ZRANB3: variants seen among roughly 807,000 people sequenced by gnomAD.
The protein encoded by ZRANB3 is DNA annealing helicase and endonuclease ZRANB3.
Under a neutral mutation model 133.8 loss-of-function variants are expected in ZRANB3, and 125 were observed. The ratio of observed to expected loss-of-function variants is 0.93; its 90% CI spans 0.81 to 1.08. ZRANB3 has a LOEUF of 1.08. ZRANB3 is among the 50% of genes least tolerant of loss of function. ZRANB3 has a pLI of 0.00. For synonymous variants in ZRANB3, 387 were observed against 432.7 expected (o/e 0.89, Z 1.31); for missense variants, 1,229 against 1,275.5 (o/e 0.96, Z 0.56).
intron 2 of ZRANB3, among the ~76,000 whole-genome samples, chr2:135,453,780 C>T (rs906846647): frequency 6.6e-6 from 1 of 152,204 alleles, no homozygotes; most frequent in Admixed American, 6.5e-5. Flanking sequence ...CAAACTTTCC[C>T]ACATTTTCCT....
At chr2:135,388,964 G>C (rs1687103993) in intron 3 of ZRANB3, among the ~76,000 whole-genome samples, 1 of 152,128 alleles carries the variant, frequency 6.6e-6, no homozygotes, top group African/African-American at 2.4e-5. Context: ...TGTAGTCCCA[G>C]CTACTCGGGA....
intron 2 of ZRANB3, among the ~76,000 whole-genome samples, chr2:135,468,319 TC>T (rs1691092122): frequency 6.6e-6 from 1 of 152,190 alleles, no homozygotes; most frequent in Non-Finnish European, 1.5e-5. Context: ...AAAATTCTCT[TC>T]CCATATCCCA....
intron 2 of ZRANB3, among the ~76,000 whole-genome samples, chr2:135,490,486 C>CA (rs553842089): frequency 2.8e-4 from 43 of 151,386 alleles, no homozygotes; most frequent in African/African-American, 4.1e-4. Flanking sequence ...TTGCTTTTAT[C>CA]AAAAAAAATG....
At chr2:135,348,747 C>A (rs1558934882) in intron 5 of ZRANB3, among the ~76,000 whole-genome samples, 1 of 152,100 alleles carries the variant, frequency 6.6e-6, no homozygotes, top group African/African-American at 2.4e-5. Context: ...GCACAGGCCA[C>A]CATGCCCAGC....
chr2:135,203,729 G>C (rs1267747606), intron 19 of ZRANB3, among the ~76,000 whole-genome samples: 2 of 151,502 alleles, frequency 1.3e-5, no homozygotes, highest in East Asian at 3.9e-4. Context: ...AATGTCAATA[G>C]CTATTACCTA....
chr2:135,417,436 G>A (rs1159986358), intron 2 of ZRANB3, among the ~76,000 whole-genome samples: 1 of 151,980 alleles, frequency 6.6e-6, no homozygotes, highest in Non-Finnish European at 1.5e-5. Flanking sequence ...AGTTAGAATG[G>A]CAATCATTAA....
chr2:135,345,163 A>G (rs991718320), intron 6 of ZRANB3: 5 of 154,146 alleles, frequency 3.2e-5, no homozygotes, highest in African/African-American at 1.2e-4. Flanking sequence ...CATATAGGTC[A>G]TCCACCTATA....
intron 8 of ZRANB3, among the ~76,000 whole-genome samples, chr2:135,287,159 C>T (rs902236510): frequency 4.6e-5 from 7 of 152,158 alleles, no homozygotes; most frequent in African/African-American, 1.4e-4. Context: ...ATCCCAGCAC[C>T]ATTTATTGAA....
chr2:135,517,326 G>A (rs1049351329), intron 1 of ZRANB3, among the ~76,000 whole-genome samples: 1 of 152,088 alleles, frequency 6.6e-6, no homozygotes, highest in Non-Finnish European at 1.5e-5. Flanking sequence ...CTGGCGAGGA[G>A]TGATCCTTTG....
chr2:135,317,150 G>A (rs1418261243), intron 6 of ZRANB3, among the ~76,000 whole-genome samples: 3 of 151,602 alleles, frequency 2.0e-5, no homozygotes, highest in South Asian at 2.1e-4. Flanking sequence ...AATTTTTAAC[G>A]GATTTGCTTA....
Position 135,345,415 on chromosome 2 carries a change from C to T in ZRANB3, c.677+135G>A, listed in dbSNP as rs553787197. The stretch of plus-strand genomic sequence containing the variant: ...CCCAGGAGGCAGAGATTGTAGTGAG[C>T]CATGATGGTGCCACTGCAGTCCAGC... On this transcript the variant is annotated intron_variant, in intron 6 of 20. Transcript: ENST00000264159. 6.8e-5 allele frequency: 41 copies of T among 598,736 alleles called. No homozygotes were observed. The South Asian group carries it at 8.8e-4, about 13-fold the overall frequency. The allele number at this position is 598,736 out of a possible 1,614,324, so 37.1% of individuals were successfully genotyped here.
rs111319600 is a variant in ZRANB3, at chr2:135,428,192, T to G, written c.162-37372A>C. Among the ~76,000 whole-genome samples the G allele has an allele frequency of 5.9e-4, 89 of 152,094 alleles. 2 individuals are homozygous for G. The highest frequency in any genetic ancestry group is 1.9e-4 in the Non-Finnish European group (13 of 67,990). On this transcript the variant is annotated intron_variant, in intron 2 of 20. Transcript: ENST00000264159. ...GTGCAGTGGCTCATGCCTGTAATCC[T>G]AGCACTTTGCAAGTCAGAGGCAGGT...
intron 2 of ZRANB3, among the ~76,000 whole-genome samples, chr2:135,417,689 T>A (rs1013709301): frequency 3.3e-5 from 5 of 152,168 alleles, no homozygotes; most frequent in African/African-American, 1.2e-4. Flanking sequence ...TTATTCACAA[T>A]AACAAAGACT....
Position 135,309,971 on chromosome 2 carries a change from C to T in ZRANB3, c.966+3518G>A, listed in dbSNP as rs1682896367. ...TATTTTTTGGAGACAGAGTCTTGCT[C>T]TGTTGCCCAGGTTGGAGTGCAGTGT... On this transcript the variant is annotated intron_variant, in intron 8 of 20. Coordinates refer to ENST00000264159, the MANE Select transcript of ZRANB3 (RefSeq NM_032143.4). 2.6e-5 allele frequency among the ~76,000 whole-genome samples: 4 copies of T among 152,162 alleles called. No individual in the cohort carries two copies. The South Asian group carries it at 8.3e-4, about 31-fold the overall frequency.
At chr2:135,476,296 TTGTA>T (rs1441610684) in intron 2 of ZRANB3, among the ~76,000 whole-genome samples, 2 of 152,174 alleles carry the variant, frequency 1.3e-5, no homozygotes, top group African/African-American at 4.8e-5. Context: ...ATAAATAACA[TTGTA>T]TGTATGAGAA....
chr2:135,502,599 C>T (rs1692997987), intron 2 of ZRANB3, among the ~76,000 whole-genome samples: 3 of 152,192 alleles, frequency 2.0e-5, no homozygotes, highest in Non-Finnish European at 4.4e-5. Context: ...TCAACCAAGT[C>T]TAAACCTAAA....
intron 3 of ZRANB3, among the ~76,000 whole-genome samples, chr2:135,358,208 T>G (rs1284882349): frequency 6.6e-6 from 1 of 152,100 alleles, no homozygotes; most frequent in Non-Finnish European, 1.5e-5. Context: ...GATCTCATTC[T>G]GTGCATGTAT....
Position 135,489,270 on chromosome 2 carries a change from C to G in ZRANB3, c.161+15059G>C, listed in dbSNP as rs557856998. On this transcript the variant is annotated intron_variant, in intron 2 of 20. Coordinates refer to ENST00000264159, the MANE Select transcript of ZRANB3 (RefSeq NM_032143.4). The stretch of plus-strand genomic sequence containing the variant: ...GTGGGAACTGAACAATGAGAACACA[C>G]GGACACAGGAAGGGGAACATCACAC... 9.0e-4 allele frequency among the ~76,000 whole-genome samples: 114 copies of G among 126,844 alleles called. 1 individual carries two copies. The highest frequency in any genetic ancestry group is 3.1e-3 in the African/African-American group (102 of 32,702). 83.2% of individuals were successfully genotyped at this position (126,844 alleles called of 152,430 possible).
intron 2 of ZRANB3, among the ~76,000 whole-genome samples, chr2:135,494,471 T>C (rs916191744): frequency 6.6e-6 from 1 of 152,142 alleles, no homozygotes; most frequent in Non-Finnish European, 1.5e-5. Flanking sequence ...ATGACAAAAT[T>C]TGATTTGAAC....
Sources: allele counts gnomAD v4.1 joint callset (sites outside exome capture counted in the v4.1 genomes callset), GRCh38; gene constraint gnomAD v4.1.1; transcripts MANE v1.5; gene names NCBI Gene and HGNC (gene_info 2026-07-23, HGNC 2026-07-21).